The following LRMDA variants were observed in gnomAD, a reference collection of about 807,000 sequenced individuals.
LRMDA encodes the protein leucine-rich melanocyte differentiation-associated protein.
Under a neutral mutation model 29.8 loss-of-function variants are expected in LRMDA, and 18 were observed. The observed-to-expected ratio is 0.60, with a 90% confidence interval of 0.42 to 0.90. The LOEUF (loss-of-function observed/expected upper bound fraction) is 0.90. Among genes scored for constraint, LRMDA ranks in the 40% least tolerant of loss-of-function variants. The pLI is 0.00. For synonymous variants in LRMDA, 125 were observed against 109.4 expected, an observed-to-expected ratio of 1.14 and a Z score of -0.89; for missense variants, 273 against 273.9, an observed-to-expected ratio of 1.00 and a Z score of 0.02.
chr10:75,716,096 A>G (rs1246763774), intron 2 of LRMDA, among the ~76,000 whole-genome samples: 1 of 152,200 alleles, frequency 6.6e-6, no homozygotes, highest in African/African-American at 2.4e-5. Context: ...ACCTGCTACA[A>G]CCAGAGCAGC....
chr10:75,653,318 A>G (rs1305060300), intron 2 of LRMDA, among the ~76,000 whole-genome samples: 6 of 152,160 alleles, frequency 3.9e-5, no homozygotes, highest in Admixed American at 1.3e-4. Flanking sequence ...TTCTCATATA[A>G]TGTGCTGCAG....
chr10:76,506,307 CT>C (rs1842958848), intron 6 of LRMDA, among the ~76,000 whole-genome samples: 1 of 151,936 alleles, frequency 6.6e-6, no homozygotes, highest in African/African-American at 2.4e-5. Context: ...CCTTTTTTCC[CT>C]TTATAAGTTA....
chr10:75,919,935 T>G (rs1846000085), intron 2 of LRMDA, among the ~76,000 whole-genome samples: 1 of 152,156 alleles, frequency 6.6e-6, no homozygotes, highest in African/African-American at 2.4e-5. Flanking sequence ...GCATTGTCCC[T>G]GAGTTATTAA....
At chr10:76,346,031 TG>T (rs1327809269) in intron 6 of LRMDA, among the ~76,000 whole-genome samples, 2 of 152,200 alleles carry the variant, frequency 1.3e-5, no homozygotes, top group Non-Finnish European at 2.9e-5. Context: ...TGTATGGTGT[TG>T]GCAGAACTTA....
At chr10:76,515,030 G>A (rs977106078) in intron 6 of LRMDA, among the ~76,000 whole-genome samples, 1 of 152,002 alleles carries the variant, frequency 6.6e-6, no homozygotes, top group Non-Finnish European at 1.5e-5. Context: ...GAGTGTAAAG[G>A]GCAGTTGTAT....
At chr10:75,461,328 T>C (rs1166477078) in intron 2 of LRMDA, among the ~76,000 whole-genome samples, 1 of 151,954 alleles carries the variant, frequency 6.6e-6, no homozygotes, top group African/African-American at 2.4e-5. Context: ...AAGATAAGGG[T>C]TTTTTTTCCT....
In LRMDA at chr10:76,399,252, C is replaced by G. The variant is rs549424977; in HGVS notation, c.601+74767C>G. Among the ~76,000 whole-genome samples the G allele has an allele frequency of 1.1e-4, 16 of 152,252 alleles. No homozygotes were observed. The South Asian group carries it at 3.3e-3, about 32-fold the overall frequency. On this transcript the variant is annotated intron_variant, in intron 6 of 6. Transcript: ENST00000611255. ...GTATGTGCTTGTGTTTTTGAGGGGC[C>G]TTTGCCTGCATCTAGACCTCTCTGT...
chr10:75,913,864 G>A (rs1384314407), intron 2 of LRMDA, among the ~76,000 whole-genome samples: 1 of 152,196 alleles, frequency 6.6e-6, no homozygotes, highest in Non-Finnish European at 1.5e-5. Context: ...CACCTGAGCA[G>A]GCTCCCATTT....
At chr10:76,101,911 C>A (rs1849400818) in intron 5 of LRMDA, among the ~76,000 whole-genome samples, 1 of 152,166 alleles carries the variant, frequency 6.6e-6, no homozygotes, top group Non-Finnish European at 1.5e-5. Flanking sequence ...ATTTCCCACT[C>A]TTCCAGCCCT....
In LRMDA at chr10:75,623,965, A is replaced by G. The variant is rs151038310; in HGVS notation, c.131+185471A>G. On this transcript the variant is annotated intron_variant, in intron 2 of 6. Transcript: ENST00000611255. Reference sequence around the variant, plus strand: ...ATGCAATCTATCAGAGGCCGTTTTCAAATATCACTTTTCAACTGTGCACTT... The same window carrying G: ...ATGCAATCTATCAGAGGCCGTTTTCGAATATCACTTTTCAACTGTGCACTT... Among the ~76,000 whole-genome samples the G allele has an allele frequency of 4.6e-3, 696 of 152,324 alleles. 3 individuals are homozygous for G. The highest frequency in any genetic ancestry group is 0.017 in the Middle Eastern group (5 of 294).
At chr10:75,521,659 A>T (rs1845361018) in intron 2 of LRMDA, among the ~76,000 whole-genome samples, 1 of 152,198 alleles carries the variant, frequency 6.6e-6, no homozygotes, top group African/African-American at 2.4e-5. Context: ...GACCCTTTGC[A>T]CTTCCCAGGT....
intron 2 of LRMDA, among the ~76,000 whole-genome samples, chr10:75,838,552 G>T (rs1433229824): frequency 1.3e-5 from 2 of 152,110 alleles, no homozygotes; most frequent in African/African-American, 4.8e-5. Flanking sequence ...TGTGAGTTCA[G>T]GTTTTTTTCA....
chr10:75,938,651 A>T (rs1250156756), intron 2 of LRMDA, among the ~76,000 whole-genome samples: 1 of 152,198 alleles, frequency 6.6e-6, no homozygotes, highest in Non-Finnish European at 1.5e-5. Flanking sequence ...AGATGATATG[A>T]AGTAAATCAA....
At chr10:75,599,004 G>T (rs1840844344) in intron 2 of LRMDA, among the ~76,000 whole-genome samples, 1 of 152,158 alleles carries the variant, frequency 6.6e-6, no homozygotes, top group Non-Finnish European at 1.5e-5. Flanking sequence ...GAGAGGAGGT[G>T]GGGGCAGGGG....
intron 2 of LRMDA, among the ~76,000 whole-genome samples, chr10:75,947,415 C>T (rs1846495396): frequency 6.6e-6 from 1 of 152,208 alleles, no homozygotes; most frequent in Non-Finnish European, 1.5e-5. Flanking sequence ...AGCCTCACTT[C>T]AGGCAGCCAT....
At chr10:75,511,161 C>G (rs559194441) in intron 2 of LRMDA, among the ~76,000 whole-genome samples, 10 of 152,098 alleles carry the variant, frequency 6.6e-5, no homozygotes, top group Non-Finnish European at 1.3e-4. Context: ...AACCTCATCT[C>G]TACAAAACAA....
chr10:76,088,852 T>A (rs1849183572), intron 5 of LRMDA, among the ~76,000 whole-genome samples: 1 of 152,220 alleles, frequency 6.6e-6, no homozygotes, highest in South Asian at 2.1e-4. Flanking sequence ...TCTTTATTTA[T>A]CTTCTTTGTG....
intron 5 of LRMDA, among the ~76,000 whole-genome samples, chr10:76,288,316 C>G (rs1209947297): frequency 6.6e-6 from 1 of 152,090 alleles, no homozygotes; most frequent in Non-Finnish European, 1.5e-5. Context: ...AATCATTCTA[C>G]TATAAAAGAC....
intron 2 of LRMDA, among the ~76,000 whole-genome samples, chr10:75,988,098 G>A (rs1847293249): frequency 1.3e-5 from 2 of 152,216 alleles, no homozygotes; most frequent in South Asian, 2.1e-4. Context: ...AGGCACGATA[G>A]CTCCTCTTAG....
Sources: gnomAD v4.1 joint callset for allele counts (sites outside exome capture counted in the v4.1 genomes callset) on GRCh38, gnomAD v4.1.1 for gene constraint, MANE v1.5 for transcripts, NCBI Gene and HGNC (gene_info 2026-07-23, HGNC 2026-07-21) for gene names.